PLCB4: variants seen among roughly 807,000 people sequenced by gnomAD.
The protein encoded by PLCB4 is phospholipase C beta 4.
A neutral mutation model predicts 178.8 loss-of-function variants in PLCB4; 77 were observed. The observed-to-expected ratio is 0.43, with a 90% CI of 0.36 to 0.52. The LOEUF is 0.52. Ranked by LOEUF, PLCB4 falls within the 20% of genes least tolerant of loss-of-function variation. The pLI, the probability that PLCB4 is intolerant of heterozygous loss-of-function variation, is 0.00. For synonymous variants in PLCB4, 496 were observed against 490.8 expected, an observed-to-expected ratio of 1.01 and a Z score of -0.14; for missense variants, 1,024 against 1,453.4, an observed-to-expected ratio of 0.70 and a Z score of 4.80.
intron 3 of PLCB4, among the ~76,000 whole-genome samples, chr20:9,227,779 C>T (rs1294647332): frequency 2.0e-5 from 3 of 152,010 alleles, no homozygotes; most frequent in Non-Finnish European, 4.4e-5. Context: ...TTTGTTCTTT[C>T]CCATTATTAT....
chr20:9,144,629 CAAAAGAAA>C (rs1366807481), intron 2 of PLCB4, among the ~76,000 whole-genome samples: 1 of 118,316 alleles, frequency 8.5e-6, no homozygotes, highest in Non-Finnish European at 1.8e-5. Flanking sequence ...CTAATCTCTA[CAAAAGAAA>C]AAAAGAAAAG....
At chr20:9,248,925 C>A (rs2094151856) in intron 3 of PLCB4, among the ~76,000 whole-genome samples, 1 of 152,208 alleles carries the variant, frequency 6.6e-6, no homozygotes, top group Non-Finnish European at 1.5e-5. Context: ...AATCAAGGGG[C>A]TGGCAGAGCT....
chr20:9,376,132 A>G (rs1170213864), intron 12 of PLCB4, among the ~76,000 whole-genome samples: 2 of 151,656 alleles, frequency 1.3e-5, no homozygotes, highest in Non-Finnish European at 2.9e-5. Context: ...TTTAGACCTG[A>G]CTCCTCATTG....
At position 9,480,455 on chromosome 20, in the gene PLCB4, A is replaced by C. The variant is rs1295515512; in HGVS notation, c.*1446A>C. On this transcript the variant is annotated 3_prime_UTR_variant, in exon 40 of 40. Coordinates refer to ENST00000378473, the MANE Select transcript of PLCB4 (RefSeq NM_001377142.1). ...TGAAATTAAACTTCCAACTTCTCTA[A>C]TAAAAAATTAAAACACGCATAACAC... is the stretch of plus-strand genomic sequence containing the variant. The C allele has an allele frequency of 6.6e-6, 1 of 152,654 alleles. No homozygotes were observed. Among genetic ancestry groups the C allele is most frequent in the East Asian group, 1.9e-4 (1 of 5,202 alleles). 9.5% of individuals were successfully genotyped at this position (152,654 alleles called of 1,614,324 possible). A position where few individuals can be genotyped will look rare whatever the true frequency, so the allele number is the denominator to read the frequency against.
chr20:9,447,840 C>G (rs183491136), intron 32 of PLCB4, among the ~76,000 whole-genome samples: 1 of 152,318 alleles, frequency 6.6e-6, no homozygotes, highest in East Asian at 1.9e-4. Flanking sequence ...AATTTTTCTT[C>G]TCTTCACACA....
chr20:9,295,298 G>A (rs149124243), intron 3 of PLCB4, among the ~76,000 whole-genome samples: 7 of 152,176 alleles, frequency 4.6e-5, no homozygotes, highest in East Asian at 3.9e-4. Context: ...GCTTTCCTGC[G>A]CGGTAAAGTA....
chr20:9,304,328 C>T lies in PLCB4; in HGVS notation c.-15-3472C>T, dbSNP rs552598521. On this transcript the variant is annotated intron_variant, in intron 3 of 39. Transcript: ENST00000378473. ...ATGTTTCCTTGTTGTTGTCAATGAG[C>T]ATGACCACAATATTTTCTGCCTTTT... Among the ~76,000 whole-genome samples the T allele has an allele frequency of 2.8e-4, 43 of 152,058 alleles. 1 individual carries two copies. The highest frequency in any genetic ancestry group is 2.5e-3 in the South Asian group (12 of 4,820).
intron 2 of PLCB4, among the ~76,000 whole-genome samples, chr20:9,151,589 G>T (rs772248294): frequency 6.6e-6 from 1 of 152,096 alleles, no homozygotes; most frequent in East Asian, 1.9e-4. Context: ...GTGCCTTTCA[G>T]CCTCCCGCCA....
Position 9,165,643 on chromosome 20 carries a change from A to C in PLCB4, c.-78-51747A>C, listed in dbSNP as rs536713679. ...AAAACTTGGAGAAATCCTGCAGAAT[A>C]GAATTCTACTTACATTAGTGTGGAT... On this transcript the variant is annotated intron_variant, in intron 2 of 39. Transcript: ENST00000378473. Among the ~76,000 whole-genome samples the C allele has an allele frequency of 8.5e-5, 13 of 152,352 alleles. No individual in the cohort carries two copies. In the South Asian group the frequency reaches 2.5e-3, roughly 29 times the overall value.
intron 4 of PLCB4, among the ~76,000 whole-genome samples, chr20:9,309,791 T>G (rs1406226425): frequency 1.3e-5 from 2 of 152,234 alleles, no homozygotes; most frequent in Non-Finnish European, 2.9e-5. Flanking sequence ...GAGATTCATT[T>G]GAATCCTTCT....
At chr20:9,412,468 C>T (rs921284204) in intron 25 of PLCB4, among the ~76,000 whole-genome samples, 6 of 152,042 alleles carry the variant, frequency 3.9e-5, no homozygotes, top group Admixed American at 6.5e-5. Context: ...TGACACCTGT[C>T]GCACAGGGTT....
rs137941470 is a variant in PLCB4, at chr20:9,084,746, T to A, written c.-134-11541T>A. On this transcript the variant is annotated intron_variant, in intron 1 of 39. Coordinates refer to ENST00000378473, the MANE Select transcript of PLCB4 (RefSeq NM_001377142.1). ...TGCTGAATGATTTATATTCAGTACA[T>A]TCTTTAATATAAAGATTGGATATAA... Among the ~76,000 whole-genome samples, 578 of 152,348 alleles carry A rather than the reference T, an allele frequency of 3.8e-3. 5 individuals carry two copies. The highest frequency in any genetic ancestry group is 0.013 in the African/African-American group (536 of 41,584).
chr20:9,157,556 T>G (rs925300979), intron 2 of PLCB4, among the ~76,000 whole-genome samples: 34 of 152,152 alleles, frequency 2.2e-4, no homozygotes, highest in African/African-American at 7.7e-4. Flanking sequence ...GTGCACTTGA[T>G]TTTCTCATTC....
At chr20:9,183,895 C>T (rs996717678) in intron 2 of PLCB4, among the ~76,000 whole-genome samples, 1 of 152,012 alleles carries the variant, frequency 6.6e-6, no homozygotes, top group African/African-American at 2.4e-5. Flanking sequence ...TACCCTGGGT[C>T]TTTATAACCA....
chr20:9,369,313 C>G (rs1271465092), intron 9 of PLCB4, among the ~76,000 whole-genome samples: 2 of 152,172 alleles, frequency 1.3e-5, no homozygotes, highest in East Asian at 3.8e-4. Context: ...CTCCTGAGAG[C>G]AAATGCCAGA....
intron 2 of PLCB4, among the ~76,000 whole-genome samples, chr20:9,161,356 T>C (rs2092884397): frequency 6.6e-6 from 1 of 152,244 alleles, no homozygotes; most frequent in Non-Finnish European, 1.5e-5. Context: ...GGGAAAGTTC[T>C]AGTTTTATAG....
At chr20:9,432,114 A>G in intron 28 of PLCB4, among the ~76,000 whole-genome samples, 1 of 152,328 alleles carries the variant, frequency 6.6e-6, no homozygotes. Context: ...AATTTTCAGA[A>G]CTATGCCGAT....
intron 15 of PLCB4, among the ~76,000 whole-genome samples, chr20:9,388,460 T>A (rs1389598797): frequency 6.6e-6 from 1 of 152,194 alleles, no homozygotes; most frequent in East Asian, 1.9e-4. Context: ...GGCTCATGCC[T>A]ATAATCCCAA....
At chr20:9,227,288 T>C (rs187461529) in intron 3 of PLCB4, among the ~76,000 whole-genome samples, 1 of 152,248 alleles carries the variant, frequency 6.6e-6, no homozygotes, top group South Asian at 2.1e-4. Context: ...CATCTTTTGA[T>C]ACACAAAAGT....
Sources: allele counts gnomAD v4.1 joint callset (sites outside exome capture counted in the v4.1 genomes callset), GRCh38; gene constraint gnomAD v4.1.1; transcripts MANE v1.5; gene names NCBI Gene and HGNC (gene_info 2026-07-23, HGNC 2026-07-21).